Variants in CPED1 observed in about 807,000 individuals in gnomAD.
CPED1 encodes the protein cadherin-like and PC-esterase domain-containing protein 1.
Under a neutral mutation model 128.2 loss-of-function variants are expected in CPED1, and 114 were observed. That is an observed-to-expected ratio of 0.89 (90% CI 0.76 to 1.04). The LOEUF (loss-of-function observed/expected upper bound fraction) is 1.04, where lower values mean the gene tolerates loss of function less well. CPED1 is among the 50% of genes least tolerant of loss of function. The probability of loss-of-function intolerance (pLI) is 0.00; values close to 1 mark genes in which losing one functional copy is unlikely to be tolerated. For missense variants in CPED1, 1,211 were observed against 1,207.1 expected (o/e 1.00, Z -0.05); for synonymous variants, 462 against 426.7 (o/e 1.08, Z -1.02).
Position 120,989,543 on chromosome 7 carries a change from T to C in CPED1, c.-79T>C. 1 of 1,546,520 alleles carries C rather than the reference T, an allele frequency of 6.5e-7. No individual in the cohort carries two copies. Among genetic ancestry groups the C allele is most frequent in the Non-Finnish European group, 8.8e-7 (1 of 1,139,988 alleles). On this transcript the variant is annotated 5_prime_UTR_variant, in exon 2 of 23. Coordinates refer to ENST00000310396, the MANE Select transcript of CPED1 (RefSeq NM_024913.5). ...GTTGGGGAAAAAGAAGACAGATTAG[T>C]ATTTTTCATGCTGACAAAAAATAGC...
chr7:121,000,246 T>A (rs1037693650), intron 2 of CPED1, among the ~76,000 whole-genome samples: 1 of 152,178 alleles, frequency 6.6e-6, no homozygotes, highest in African/African-American at 2.4e-5. Flanking sequence ...ATTTACGTTC[T>A]GTGGCAGAAA....
At chr7:121,126,251 T>A (rs146282574) in intron 9 of CPED1, among the ~76,000 whole-genome samples, 295 of 152,248 alleles carry the variant, frequency 1.9e-3, no homozygotes, top group African/African-American at 6.7e-3. Flanking sequence ...AAAGATAACT[T>A]TTATTTTTTA....
intron 16 of CPED1, among the ~76,000 whole-genome samples, chr7:121,220,295 A>G (rs1320402666): frequency 2.6e-5 from 4 of 151,962 alleles, no homozygotes; most frequent in African/African-American, 4.8e-5. Flanking sequence ...AGCATCGTCT[A>G]CTCTGAACTT....
At chr7:121,287,811 A>G (rs191206581) in intron 22 of CPED1, among the ~76,000 whole-genome samples, 35 of 152,302 alleles carry the variant, frequency 2.3e-4, no homozygotes, top group African/African-American at 8.4e-4. Flanking sequence ...ATGACTCATT[A>G]AACTTTTGAT....
intron 22 of CPED1, among the ~76,000 whole-genome samples, chr7:121,291,784 C>A (rs575163850): frequency 6.6e-6 from 1 of 152,132 alleles, no homozygotes; most frequent in Admixed American, 6.6e-5. Context: ...TATTTGAATA[C>A]GCTTTATTTC....
chr7:121,117,346 C>A (rs1795276509), intron 7 of CPED1, among the ~76,000 whole-genome samples: 1 of 151,900 alleles, frequency 6.6e-6, no homozygotes. Context: ...GGTGATCCAC[C>A]TGCCTCGGCC....
chr7:121,129,840 G>A (rs1284495632), intron 11 of CPED1, among the ~76,000 whole-genome samples: 1 of 150,862 alleles, frequency 6.6e-6, no homozygotes, highest in Non-Finnish European at 1.5e-5. Context: ...TGTTATTCAT[G>A]TGTCTTCTGG....
intron 7 of CPED1, among the ~76,000 whole-genome samples, chr7:121,103,014 G>A (rs1406496180): frequency 6.6e-6 from 1 of 152,010 alleles, no homozygotes; most frequent in East Asian, 1.9e-4. Flanking sequence ...TTTCCTCTTT[G>A]TATGTAAGTG....
At chr7:121,127,014 C>A in intron 9 of CPED1, 76 bp from the exon 10 acceptor site, 1 of 1,096,816 alleles carries the variant, frequency 9.1e-7, no homozygotes, top group Non-Finnish European at 1.3e-6. Flanking sequence ...GGAAATAAAT[C>A]ATGTCTTAGA....
At chr7:121,199,719 A>AAGAAAGAAAGAAAGAAAGAAAGAAAGAC in intron 16 of CPED1, among the ~76,000 whole-genome samples, 1 of 149,578 alleles carries the variant, frequency 6.7e-6, no homozygotes, top group African/African-American at 2.4e-5. Context: ...GAAAGAAAGA[A>AAGAAAGAAAGAAAGAAAGAAAGAAAGAC]AAGAAAAATA....
chr7:121,280,742 T>A (rs969033171), intron 22 of CPED1, among the ~76,000 whole-genome samples: 2 of 151,978 alleles, frequency 1.3e-5, no homozygotes, highest in Non-Finnish European at 2.9e-5. Context: ...TGTCCTGAAG[T>A]GAAATTATGA....
chr7:121,026,055 T>C (rs1480028526), intron 3 of CPED1, among the ~76,000 whole-genome samples: 1 of 152,170 alleles, frequency 6.6e-6, no homozygotes, highest in East Asian at 1.9e-4. Context: ...CCGTCCCCGT[T>C]AGGAGATCAC....
chr7:121,184,217 G>A (rs945190761), intron 16 of CPED1, among the ~76,000 whole-genome samples: 2 of 151,994 alleles, frequency 1.3e-5, no homozygotes, highest in South Asian at 2.1e-4. Context: ...TATTTTTTAA[G>A]TGGATGTGGG....
At chr7:121,038,619 T>C (rs548803904) in intron 3 of CPED1, among the ~76,000 whole-genome samples, 1 of 152,156 alleles carries the variant, frequency 6.6e-6, no homozygotes, top group East Asian at 1.9e-4. Flanking sequence ...GTCCATACTT[T>C]GTTCAGATTT....
intron 3 of CPED1, among the ~76,000 whole-genome samples, chr7:121,017,430 C>T (rs1792330864): frequency 6.6e-6 from 1 of 152,138 alleles, no homozygotes; most frequent in Admixed American, 6.5e-5. Context: ...ATCAGAATAG[C>T]TATTAGTATA....
At chr7:121,049,102 T>C (rs1563005733) in intron 4 of CPED1, among the ~76,000 whole-genome samples, 1 of 152,230 alleles carries the variant, frequency 6.6e-6, no homozygotes, top group Non-Finnish European at 1.5e-5. Flanking sequence ...ATATTTGCTT[T>C]GTATTAGGCT....
At chr7:121,135,366 C>T (rs1795762657) in intron 13 of CPED1, among the ~76,000 whole-genome samples, 1 of 151,984 alleles carries the variant, frequency 6.6e-6, no homozygotes, top group South Asian at 2.1e-4. Flanking sequence ...GTGTGTCCCC[C>T]TCTCCCCAGA....
rs562062050 is a variant in CPED1 at position 121,266,375 on chromosome 7, A to G, written c.2459A>G (p.Tyr820Cys). 6.2e-7 allele frequency: 1 copy of G among 1,613,208 alleles called. No homozygotes were observed. Among genetic ancestry groups the G allele is most frequent in the Non-Finnish European group, 8.5e-7 (1 of 1,179,448 alleles). The stretch of plus-strand genomic sequence containing the variant: ...GGGAAGACTTTGATCAGTTATTCCT[A>G]CTATCCCCAGTTCTGGATAAGCCCT... ...NGGKTLISYS[Y>C]YPQFWISPSL... Residue 820 changes from tyrosine to cysteine, a missense_variant, in exon 19 of 23, where the codon TAC becomes TGC. Transcript: ENST00000310396.
chr7:121,126,614 T>C, intron 9 of CPED1, among the ~76,000 whole-genome samples: 1 of 152,272 alleles, frequency 6.6e-6, no homozygotes, highest in East Asian at 1.9e-4. Context: ...CAAACTATTA[T>C]TCCGGTAAGC....
Sources: allele counts gnomAD v4.1 joint callset (sites outside exome capture counted in the v4.1 genomes callset), GRCh38; gene constraint gnomAD v4.1.1; transcripts MANE v1.5; gene names NCBI Gene and HGNC (gene_info 2026-07-23, HGNC 2026-07-21).